OCEL1: variants seen among roughly 807,000 people sequenced by gnomAD.
OCEL1 encodes occludin/ELL domain containing 1, also known as occludin/ELL domain-containing protein 1.
Under a neutral mutation model 29.4 loss-of-function variants are expected in OCEL1, and 24 were observed. The ratio of observed to expected loss-of-function variants is 0.82; its 90% CI spans 0.59 to 1.15. OCEL1 has a LOEUF of 1.15. Among genes scored for constraint, OCEL1 ranks in the 50% most tolerant of loss-of-function variants. The pLI is 0.00. For missense variants in OCEL1, 402 were observed against 352.5 expected, an observed-to-expected ratio of 1.14 and a Z score of -1.13; for synonymous variants, 172 against 145.3, an observed-to-expected ratio of 1.18 and a Z score of -1.32.
chr19:17,227,873 G>A lies in OCEL1; in HGVS notation c.486G>A (p.Arg162=). 1.2e-6 allele frequency: 2 copies of A among 1,613,936 alleles called. No homozygotes were observed. Residue 162 remains arginine (R), a synonymous_variant, in exon 4 of 6, where the codon CGG becomes CGA. Coordinates refer to ENST00000215061, the MANE Select transcript of OCEL1 (RefSeq NM_024578.3). ...KYPPVSSERE[R]SRYVAVFQDQ... is the part of the protein sequence containing the mutation. ...CGCCAGTGAGCAGTGAGAGGGAACG[G>A]AGCCGCTATGTCGCAGTGTTCCAGG...
chr19:17,227,809 A>C, intron 3 of OCEL1, 31 bp from the exon 4 acceptor site: 1 of 1,604,178 alleles, frequency 6.2e-7, no homozygotes, highest in East Asian at 2.2e-5. Flanking sequence ...GGTTCTTTAC[A>C]CTCACACTCT....
At position 17,228,819 on chromosome 19, in the gene OCEL1, A is replaced by T; in HGVS notation, c.689A>T (p.Asp230Val). 6.2e-7 allele frequency: 1 copy of T among 1,613,484 alleles called. No individual in the cohort carries two copies. Among genetic ancestry groups the T allele is most frequent in the Non-Finnish European group, 8.5e-7 (1 of 1,179,898 alleles). The change falls in exon 6 of 6, where the codon GAC (aspartate) becomes GTC (valine). Residue 230 changes from aspartate to valine, a missense_variant. By Grantham distance (152) the Asp-to-Val change is radical. Transcript: ENST00000215061. The stretch of plus-strand genomic sequence containing the variant: ...CCTGCCTAGGATCCTGGCTTCCTGG[A>T]CAAGCAGGCTCGCTGCCACTACCTG... ...EMKRMDPGFL[D>V]KQARCHYLKG...
At position 17,227,963 on chromosome 19, in the gene OCEL1, G is replaced by C; in HGVS notation, c.576G>C (p.Gln192His). ...GGTGTGCACAGGCAAAGCTCAGGCA[G>C]CTGGAGGCCCTGCTGAGCTCCCTGC... Reference protein sequence around the residue: ...EVGCAQAKLRQLEALLSSLPP... With the variant: ...EVGCAQAKLRHLEALLSSLPP... Residue 192 changes from glutamine (Q) to histidine (H), a missense_variant, in exon 4 of 6, where the codon CAG (glutamine) becomes CAC (histidine). Transcript: ENST00000215061. 2 of 1,612,818 alleles carry C rather than the reference G, an allele frequency of 1.2e-6. No homozygotes were observed. The highest frequency in any genetic ancestry group is 1.7e-6 in the Non-Finnish European group (2 of 1,180,008).
rs148753569 is a variant in OCEL1 at position 17,227,174 on chromosome 19, C to A, written c.427C>A (p.Pro143Thr). The A allele has an allele frequency of 3.9e-5, 60 of 1,526,630 alleles. 1 individual carries two copies. In the East Asian group the frequency reaches 4.9e-4, roughly 12 times the overall value. The allele number at this position is 1,526,630 out of a possible 1,614,324, so 94.6% of individuals were successfully genotyped here. The change falls in exon 3 of 6, where the codon CCC becomes ACC. Residue 143 changes from proline to threonine, a missense_variant. Physicochemically the swap from Pro to Thr is conservative, Grantham distance 38. Transcript: ENST00000215061. Reference protein sequence around the residue: ...GAIPKGHKPRPHPVPDYELKY... With the variant: ...GAIPKGHKPRTHPVPDYELKY... The stretch of plus-strand genomic sequence containing the variant: ...CATCCCTAAGGGGCATAAGCCTAGG[C>A]CCCACCCAGTGCCCGACTATGAGCT...
intron 5 of OCEL1, 196 bp downstream of exon 5, chr19:17,228,505 C>T: frequency 1.6e-6 from 1 of 644,334 alleles, no homozygotes; most frequent in Non-Finnish European, 2.6e-6. Context: ...CCTGCCTCAG[C>T]TGGGATCACA....
chr19:17,228,853 A>T lies in OCEL1; in HGVS notation c.723A>T (p.Lys241Asn), dbSNP rs755123329. 1.9e-6 allele frequency: 3 copies of T among 1,613,798 alleles called. No homozygotes were observed. Among genetic ancestry groups the T allele is most frequent in the Non-Finnish European group, 1.7e-6 (2 of 1,179,950 alleles). ...CTCGCTGCCACTACCTGAAGGGTAA[A>T]CTGAGGCATCTCAAGACTCAGATCC... is the stretch of plus-strand genomic sequence containing the variant. Reference protein sequence around the residue: ...KQARCHYLKGKLRHLKTQIQK... With the variant: ...KQARCHYLKGNLRHLKTQIQK... Residue 241 changes from lysine (K) to asparagine (N), a missense_variant, in exon 6 of 6, where the codon AAA becomes AAT. Lys to Asn is a moderately conservative substitution (Grantham distance 94). Transcript: ENST00000215061.
rs1200525206 is a variant in OCEL1 at position 17,226,689 on chromosome 19, A to G, written c.70-4A>G. The G allele has an allele frequency of 2.7e-6, 4 of 1,476,464 alleles. No homozygotes were observed. The highest frequency in any genetic ancestry group is 2.7e-6 in the Non-Finnish European group (3 of 1,122,564). The allele number at this position is 1,476,464 out of a possible 1,614,324, so 91.5% of individuals were successfully genotyped here. Reference sequence around the variant, plus strand: ...GCGTGTCCTCTCCGCGTGTCCACCCACAGGCCGCCCGCAGACCACCCCCGC... The same window carrying G: ...GCGTGTCCTCTCCGCGTGTCCACCCGCAGGCCGCCCGCAGACCACCCCCGC... On this transcript the variant is annotated splice_polypyrimidine_tract_variant and splice_region_variant and intron_variant, in intron 1 of 5. Coordinates refer to ENST00000215061, the MANE Select transcript of OCEL1 (RefSeq NM_024578.3).
At chr19:17,226,346 C>G (rs1187881650) in intron 1 of OCEL1, 30 bp downstream of exon 1, 1 of 1,604,562 alleles carries the variant, frequency 6.2e-7, no homozygotes, top group South Asian at 1.1e-5. Flanking sequence ...AGCCGGACGG[C>G]CTTGCAGGTG....
intron 5 of OCEL1, 62 bp from the exon 6 acceptor site, chr19:17,228,737 GAGTT>G: frequency 6.4e-7 from 1 of 1,574,368 alleles, no homozygotes; most frequent in Non-Finnish European, 8.6e-7. Flanking sequence ...GAAAGGCAGA[GAGTT>G]AAGCAGCTTG....
intron 4 of OCEL1, 96 bp downstream of exon 4, chr19:17,228,101 T>G (rs554284322): frequency 6.4e-7 from 1 of 1,553,868 alleles, no homozygotes; most frequent in Non-Finnish European, 8.7e-7. Flanking sequence ...CCAGGACTCT[T>G]TCTCCTCTCG....
intron 4 of OCEL1, 90 bp downstream of exon 4, chr19:17,228,095 G>A (rs1430982897): frequency 2.0e-5 from 31 of 1,560,730 alleles, no homozygotes; most frequent in African/African-American, 2.7e-5. Flanking sequence ...AGATTTCCAG[G>A]ACTCTTTCTC....
rs1310360501 is a variant in OCEL1, at chr19:17,227,829, C to T, written c.453-11C>T. On this transcript the variant is annotated splice_polypyrimidine_tract_variant and intron_variant, in intron 3 of 5. Coordinates refer to ENST00000215061, the MANE Select transcript of OCEL1 (RefSeq NM_024578.3). ...TTTACACTCACACTCTGACCCTCTTCAACCTGGTAGTAAGTACCCGCCAGT... is the reference window on the plus strand; with the variant it reads ...TTTACACTCACACTCTGACCCTCTTTAACCTGGTAGTAAGTACCCGCCAGT... The T allele has an allele frequency of 6.2e-7, 1 of 1,612,972 alleles. No homozygotes were observed. The highest frequency in any genetic ancestry group is 1.1e-5 in the South Asian group (1 of 91,016).
chr19:17,227,848 C>G lies in OCEL1; in HGVS notation c.461C>G (p.Pro154Arg). The G allele has an allele frequency of 2.5e-6, 4 of 1,613,656 alleles. No homozygotes were observed. Among genetic ancestry groups the G allele is most frequent in the Non-Finnish European group, 3.4e-6 (4 of 1,179,968 alleles). Residue 154 changes from proline to arginine, a missense_variant, in exon 4 of 6, where the codon CCG becomes CGG. Transcript: ENST00000215061. The stretch of plus-strand genomic sequence containing the variant: ...CCTCTTCAACCTGGTAGTAAGTACC[C>G]GCCAGTGAGCAGTGAGAGGGAACGG... ...HPVPDYELKY[P>R]PVSSERERSR...
rs1282624080 is a variant in OCEL1 at position 17,227,151 on chromosome 19, T to C, written c.404T>C (p.Ile135Thr). 6.3e-7 allele frequency: 1 copy of C among 1,583,954 alleles called. No individual in the cohort carries two copies. The highest frequency in any genetic ancestry group is 1.2e-5 in the South Asian group (1 of 86,070). ...LLGAKKPIGA[I>T]PKGHKPRPHP... Reference sequence around the variant, plus strand: ...GGCGCCAAGAAGCCTATTGGAGCCATCCCTAAGGGGCATAAGCCTAGGCCC... The same window carrying C: ...GGCGCCAAGAAGCCTATTGGAGCCACCCCTAAGGGGCATAAGCCTAGGCCC... The change falls in exon 3 of 6, where the codon ATC (isoleucine) becomes ACC (threonine). Residue 135 changes from isoleucine (I) to threonine (T), a missense_variant. Ile to Thr is a moderately conservative substitution (Grantham distance 89, BLOSUM62 -1). Coordinates refer to ENST00000215061, the MANE Select transcript of OCEL1 (RefSeq NM_024578.3).
At position 17,227,983 on chromosome 19, in the gene OCEL1, C is replaced by A. The variant is rs1337719589; in HGVS notation, c.596C>A (p.Ser199Tyr). Residue 199 changes from serine (S) to tyrosine (Y), a missense_variant, in exon 4 of 6, where the codon TCC (serine) becomes TAC (tyrosine). Transcript: ENST00000215061. ...KLRQLEALLS[S>Y]LPPPQSQKEA... ...AGGCAGCTGGAGGCCCTGCTGAGCT[C>A]CCTGCCCCCACCCCAAAGCCAGGTC... 6.2e-7 allele frequency: 1 copy of A among 1,612,262 alleles called. No homozygotes were observed. Among genetic ancestry groups the A allele is most frequent in the Non-Finnish European group, 8.5e-7 (1 of 1,179,976 alleles).
rs775746963 is a variant in OCEL1, at chr19:17,226,836, C to T, written c.213C>T (p.His71=). The change falls in exon 2 of 6, where the codon CAC becomes CAT. Residue 71 remains histidine (H), a synonymous_variant. Transcript: ENST00000215061. ...CAAAGACTCGCGGCTCCCGGGGGCA[C>T]CTGCATACTCACCCGCCTGGGCCTG... ...EPPKTRGSRG[H]LHTHPPGPGP... is the part of the protein sequence containing the mutation. 4 of 1,568,360 alleles carry T rather than the reference C, an allele frequency of 2.6e-6. No homozygotes were observed. The South Asian group carries it at 4.7e-5, about 18-fold the overall frequency.
chr19:17,229,187 A>G lies in OCEL1; in HGVS notation c.*262A>G. ...TCCCTGGAAGTAGGGCCTGCTCTCC[A>G]TCCCAGTGAAATAAACATGTATTAG... On this transcript the variant is annotated 3_prime_UTR_variant, in exon 6 of 6. Coordinates refer to ENST00000215061, the MANE Select transcript of OCEL1 (RefSeq NM_024578.3). The G allele has an allele frequency of 3.1e-6, 1 of 325,260 alleles. No individual in the cohort carries two copies. Among genetic ancestry groups the G allele is most frequent in the Non-Finnish European group, 5.9e-6 (1 of 170,188 alleles). The allele number at this position is 325,260 out of a possible 1,614,324, so 20.1% of individuals were successfully genotyped here.
At chr19:17,227,410 G>A (rs1188913095) in intron 3 of OCEL1, among the ~76,000 whole-genome samples, 1 of 151,808 alleles carries the variant, frequency 6.6e-6, no homozygotes, top group Admixed American at 6.6e-5. Context: ...AAATAAATAG[G>A]CGAGGCGCGG....
chr19:17,226,394 C>T (rs2073359469), intron 1 of OCEL1, 78 bp downstream of exon 1: 1 of 1,519,750 alleles, frequency 6.6e-7, no homozygotes, highest in Non-Finnish European at 9.0e-7. Flanking sequence ...GCGCGGTCGT[C>T]TGTGGGCTCT....
Sources: allele counts gnomAD v4.1 joint callset (sites outside exome capture counted in the v4.1 genomes callset), GRCh38; gene constraint gnomAD v4.1.1; transcripts MANE v1.5; gene names NCBI Gene and HGNC (gene_info 2026-07-23, HGNC 2026-07-21).